Variants in PCDH15 observed in about 807,000 individuals in gnomAD.
The protein encoded by PCDH15 is protocadherin-15.
A neutral mutation model predicts 178.5 loss-of-function variants in PCDH15; 129 were observed. The observed-to-expected ratio is 0.72, with a 90% CI of 0.63 to 0.84. PCDH15 has a LOEUF of 0.84. PCDH15 is among the 40% of genes least tolerant of loss of function. The pLI is 0.00. For synonymous variants in PCDH15, 800 were observed against 732.0 expected, an observed-to-expected ratio of 1.09 and a Z score of -1.50; for missense variants, 2,230 against 2,099.9, an observed-to-expected ratio of 1.06 and a Z score of -1.21.
intron 2 of PCDH15, among the ~76,000 whole-genome samples, chr10:54,549,976 G>C (rs1409262929): frequency 2.6e-5 from 4 of 151,832 alleles, no homozygotes; most frequent in African/African-American, 9.7e-5. Flanking sequence ...ATCTGGTCAG[G>C]CACCAGATTT....
At chr10:55,437,640 G>T (rs557851531) in intron 2 of PCDH15, among the ~76,000 whole-genome samples, 3 of 151,934 alleles carry the variant, frequency 2.0e-5, no homozygotes, top group African/African-American at 7.2e-5. Flanking sequence ...AATAGTAAAA[G>T]AACCAAAAAA....
At chr10:55,003,193 T>C (rs1839834672) in intron 2 of PCDH15, among the ~76,000 whole-genome samples, 1 of 152,182 alleles carries the variant, frequency 6.6e-6, no homozygotes, top group Non-Finnish European at 1.5e-5. Context: ...TGTTTTGCTT[T>C]GATTCTTCTA....
chr10:54,307,026 A>G (rs374396225), intron 8 of PCDH15, among the ~76,000 whole-genome samples: 4,857 of 27,674 alleles, frequency 0.18, 591 homozygotes, highest in Middle Eastern at 0.29. Context: ...ATATATATAT[A>G]TATGTGTGTG....
At chr10:54,885,990 T>C (rs1320943488) in intron 3 of PCDH15, among the ~76,000 whole-genome samples, 2 of 152,114 alleles carry the variant, frequency 1.3e-5, no homozygotes, top group East Asian at 1.9e-4. Flanking sequence ...AAATAACAAA[T>C]AGACATACAC....
intron 2 of PCDH15, among the ~76,000 whole-genome samples, chr10:54,993,715 C>G (rs1449956553): frequency 6.6e-6 from 1 of 151,986 alleles, no homozygotes; most frequent in Non-Finnish European, 1.5e-5. Flanking sequence ...CACCAGATAA[C>G]AAGAACATGC....
chr10:55,556,060 ACTTTTT>A (rs1048508705), intron 2 of PCDH15, among the ~76,000 whole-genome samples: 2 of 152,104 alleles, frequency 1.3e-5, no homozygotes, highest in East Asian at 1.9e-4. Flanking sequence ...TAAATCTGAC[ACTTTTT>A]CTTTTTCTCT....
intron 20 of PCDH15, among the ~76,000 whole-genome samples, chr10:54,015,395 A>T (rs1366708316): frequency 7.6e-6 from 1 of 131,340 alleles, no homozygotes; most frequent in African/African-American, 2.8e-5. Context: ...CACAAGAAAA[A>T]TGTATTCTAA....
At chr10:55,024,338 T>C (rs1362591068) in intron 2 of PCDH15, among the ~76,000 whole-genome samples, 1 of 147,914 alleles carries the variant, frequency 6.8e-6, no homozygotes, top group African/African-American at 2.5e-5. Context: ...TTCCCATATA[T>C]AGGAAGAAAT....
At position 55,455,585 on chromosome 10, in the gene PCDH15, G is replaced by A. The variant is rs959276267; in HGVS notation, c.-156+172040C>T. Among the ~76,000 whole-genome samples the A allele has an allele frequency of 4.2e-5, 6 of 142,504 alleles. No homozygotes were observed. In the South Asian group the frequency reaches 6.8e-4, roughly 16 times the overall value. 93.5% of individuals were successfully genotyped at this position (142,504 alleles called of 152,430 possible). On this transcript the variant is annotated intron_variant, in intron 2 of 5. Coordinates refer to the PCDH15 transcript ENST00000613346. Reference sequence around the variant, plus strand: ...CATTTCAATACTGTACTGTTTCTTCGTTGCTGTGATAGATTATTAATTGAA... The same window carrying A: ...CATTTCAATACTGTACTGTTTCTTCATTGCTGTGATAGATTATTAATTGAA...
intron 26 of PCDH15, among the ~76,000 whole-genome samples, chr10:53,880,481 A>C (rs1191759848): frequency 6.6e-6 from 1 of 152,204 alleles, no homozygotes; most frequent in Non-Finnish European, 1.5e-5. Flanking sequence ...AAGTCAAAGG[A>C]AAGTAATAGC....
intron 2 of PCDH15, among the ~76,000 whole-genome samples, chr10:55,361,774 A>G (rs1845235946): frequency 6.6e-6 from 1 of 152,046 alleles, no homozygotes; most frequent in East Asian, 1.9e-4. Context: ...AAGCCTTACT[A>G]TCAGACCAAT....
At chr10:54,021,112 G>GA (rs940394088) in intron 19 of PCDH15, among the ~76,000 whole-genome samples, 5 of 152,034 alleles carry the variant, frequency 3.3e-5, no homozygotes, top group South Asian at 2.1e-4. Context: ...AAATAGAAAG[G>GA]AAAAAAATGT....
At chr10:53,929,440 A>G (rs1302937168) in intron 25 of PCDH15, among the ~76,000 whole-genome samples, 2 of 152,170 alleles carry the variant, frequency 1.3e-5, no homozygotes, top group Non-Finnish European at 1.5e-5. Flanking sequence ...AAAGTAATAC[A>G]TTATTAATAT....
intron 9 of PCDH15, among the ~76,000 whole-genome samples, chr10:54,232,975 A>C (rs1289554596): frequency 2.3e-5 from 3 of 133,118 alleles, no homozygotes; most frequent in African/African-American, 5.9e-5. Flanking sequence ...CTCCTCCATC[A>C]CTCAGGCTGG....
rs1418367 is a variant in PCDH15 at position 54,316,859 on chromosome 10, C to G, written c.876+412G>C. On this transcript the variant is annotated intron_variant, in intron 8 of 37. Transcript: ENST00000644397. ...ACCTTCAAACGGCCAAACATAATCT[C>G]CAATAACATTTCAGAATTCTACTGG... 0.44 allele frequency among the ~76,000 whole-genome samples: 66,964 copies of G among 151,780 alleles called. 15,620 individuals carry two copies. Among genetic ancestry groups the G allele is most frequent in the Middle Eastern group, 0.6 (176 of 294 alleles).
At chr10:54,614,274 T>C (rs2093060682) in intron 2 of PCDH15, among the ~76,000 whole-genome samples, 1 of 151,996 alleles carries the variant, frequency 6.6e-6, no homozygotes, top group African/African-American at 2.4e-5. Context: ...AGTTTCACCA[T>C]CTGTTGGATC....
At chr10:55,625,698 GC>G (rs1182338696) in intron 2 of PCDH15, among the ~76,000 whole-genome samples, 1 of 152,130 alleles carries the variant, frequency 6.6e-6, no homozygotes, top group African/African-American at 2.4e-5. Context: ...CAAAGAATCT[GC>G]CCTTTGAGAT....
At chr10:55,410,082 T>G (rs1838295630) in intron 2 of PCDH15, among the ~76,000 whole-genome samples, 1 of 152,178 alleles carries the variant, frequency 6.6e-6, no homozygotes, top group Non-Finnish European at 1.5e-5. Flanking sequence ...GGGATAACTA[T>G]TATGCTTTTG....
intron 17 of PCDH15, among the ~76,000 whole-genome samples, chr10:54,074,623 A>G (rs1308311569): frequency 6.6e-6 from 1 of 152,196 alleles, no homozygotes; most frequent in East Asian, 1.9e-4. Flanking sequence ...TTGCTTTTAC[A>G]TCTTAGCTAT....
Sources: allele counts gnomAD v4.1 joint callset (sites outside exome capture counted in the v4.1 genomes callset), GRCh38; gene constraint gnomAD v4.1.1; transcripts MANE v1.5; gene names NCBI Gene and HGNC (gene_info 2026-07-23, HGNC 2026-07-21).